The following RBM39 variants were observed in gnomAD, a reference collection of about 807,000 sequenced individuals.
RBM39 encodes RNA-binding protein 39.
A neutral mutation model predicts 79.6 loss-of-function variants in RBM39; 12 were observed. The ratio of observed to expected loss-of-function variants is 0.15; its 90% CI spans 0.10 to 0.24. The LOEUF (loss-of-function observed/expected upper bound fraction) is 0.24. Among genes scored for constraint, RBM39 ranks in the 10% least tolerant of loss-of-function variants. The pLI is 1.00. For synonymous variants in RBM39, 185 were observed against 208.4 expected (o/e 0.89, Z 0.97); for missense variants, 243 against 653.4 (o/e 0.37, Z 6.85).
At position 35,724,742 on chromosome 20, in the gene RBM39, G is replaced by GT. The variant is rs781374036; in HGVS notation, c.535-21dup. 116 of 1,611,174 alleles carry GT rather than the reference G, an allele frequency of 7.2e-5. No individual in the cohort carries two copies. In the South Asian group the frequency reaches 1.3e-3, roughly 18 times the overall value. On this transcript the variant is annotated intron_variant, in intron 7 of 16. Coordinates refer to ENST00000253363, the MANE Select transcript of RBM39 (RefSeq NM_184234.3). ...TCGAACCTAGAAAGAAAACACAGTT[G>GT]TTTGTGCAAACATCCATTGTAACAC...
At chr20:35,713,227 T>G (rs1350892677) in intron 11 of RBM39, 131 bp from the exon 12 acceptor site, 2 of 681,380 alleles carry the variant, frequency 2.9e-6, no homozygotes, top group Non-Finnish European at 4.7e-6. Flanking sequence ...TTGACGCCTG[T>G]AACTTAGCTA....
At chr20:35,716,620 T>G in intron 10 of RBM39, 120 bp downstream of exon 10, 1 of 706,370 alleles carries the variant, frequency 1.4e-6, no homozygotes, top group Non-Finnish European at 2.4e-6. Context: ...TCCCAGCAGT[T>G]TGGAAGGCTA....
chr20:35,715,168 C>T (rs975963786), intron 10 of RBM39, among the ~76,000 whole-genome samples: 1 of 152,064 alleles, frequency 6.6e-6, no homozygotes. Context: ...TTTCCAGGAC[C>T]TTAAAAGGTT....
At chr20:35,726,533 C>A (rs1448349582) in intron 6 of RBM39, among the ~76,000 whole-genome samples, 1 of 152,178 alleles carries the variant, frequency 6.6e-6, no homozygotes, top group South Asian at 2.1e-4. Context: ...CCAGACTGAT[C>A]CAAAATCAGT....
At position 35,740,895 on chromosome 20, in the gene RBM39, G is replaced by C; in HGVS notation, c.-13-8C>G. ...GCCATTTTCTCTAAACGCCTAGGAA[G>C]AGAACAAGACAATTTCTTGAGTAAA... On this transcript the variant is annotated splice_region_variant and splice_polypyrimidine_tract_variant and intron_variant, in intron 1 of 16. Transcript: ENST00000253363. 6.3e-7 allele frequency: 1 copy of C among 1,596,964 alleles called. No individual in the cohort carries two copies. Among genetic ancestry groups the C allele is most frequent in the Non-Finnish European group, 8.6e-7 (1 of 1,167,462 alleles).
intron 14 of RBM39, among the ~76,000 whole-genome samples, chr20:35,706,106 A>AATCCC (rs2146478609): frequency 6.6e-6 from 1 of 152,314 alleles, no homozygotes; most frequent in African/African-American, 2.4e-5. Flanking sequence ...TCGGATGCTG[A>AATCCC]AGCGAGCAGA....
At chr20:35,718,874 T>C (rs1210041746) in intron 9 of RBM39, among the ~76,000 whole-genome samples, 1 of 145,680 alleles carries the variant, frequency 6.9e-6, no homozygotes, top group Non-Finnish European at 1.5e-5. Context: ...TCCCAGCTGC[T>C]AGGGAAGCTG....
At chr20:35,741,027 TTTC>T (rs1820545142) in intron 1 of RBM39, 140 bp from the exon 2 acceptor site, 6 of 384,424 alleles carry the variant, frequency 1.6e-5, no homozygotes, top group South Asian at 6.2e-5. Context: ...AGTAAACATT[TTTC>T]TTTTTTTTTT....
Position 35,732,048 on chromosome 20 carries a change from C to T in RBM39, c.189G>A (p.Arg63=). Residue 63 remains arginine, a synonymous_variant, in exon 4 of 17, where the codon AGG becomes AGA. Coordinates refer to ENST00000253363, the MANE Select transcript of RBM39 (RefSeq NM_184234.3). The stretch of plus-strand genomic sequence containing the variant: ...TTCTTTCACGGCTTTTGCTCTTTTT[C>T]CTTTCTCTGTCTCTACTTCGCTTCC... ...KERKRSRDRE[R]KKSKSRERKR... The T allele has an allele frequency of 6.2e-7, 1 of 1,614,042 alleles. No homozygotes were observed. The highest frequency in any genetic ancestry group is 8.5e-7 in the Non-Finnish European group (1 of 1,180,022).
At position 35,729,373 on chromosome 20, in the gene RBM39, G is replaced by A. The variant is rs1350298131; in HGVS notation, c.363-8C>T. 6 of 1,606,856 alleles carry A rather than the reference G, an allele frequency of 3.7e-6. No homozygotes were observed. The highest frequency in any genetic ancestry group is 1.7e-5 in the Admixed American group (1 of 58,006). The stretch of plus-strand genomic sequence containing the variant: ...CTTCGGGAACGTCGTCTGCTGCAAA[G>A]TTAAAAAGTTTCAGAAGTTATCCAA... On this transcript the variant is annotated splice_polypyrimidine_tract_variant and splice_region_variant and intron_variant, in intron 5 of 16. Coordinates refer to ENST00000253363, the MANE Select transcript of RBM39 (RefSeq NM_184234.3).
In RBM39 at chr20:35,738,159, G is replaced by GAA. The variant is rs373178542; in HGVS notation, c.101+807_101+808dup. On this transcript the variant is annotated intron_variant, in intron 3 of 16. Transcript: ENST00000253363. Reference sequence around the variant, plus strand: ...CGACACTGCCAGACTCCATGTCAAAGAAAAAAAAAAAAATCAAAGAATCAC... The same window carrying GAA: ...CGACACTGCCAGACTCCATGTCAAAGAAAAAAAAAAAAAAATCAAAGAATCAC... Among the ~76,000 whole-genome samples the GAA allele has an allele frequency of 1.2e-3, 173 of 138,828 alleles. 4 individuals are homozygous for GAA. Among genetic ancestry groups the GAA allele is most frequent in the African/African-American group, 3.5e-3 (134 of 38,650 alleles). 91.1% of individuals were successfully genotyped at this position (138,828 alleles called of 152,430 possible). A position where few individuals can be genotyped will look rare whatever the true frequency, so the allele number is the denominator to read the frequency against.
chr20:35,717,850 A>C (rs759585519), intron 9 of RBM39, among the ~76,000 whole-genome samples: 1 of 149,860 alleles, frequency 6.7e-6, no homozygotes, highest in Non-Finnish European at 1.5e-5. Flanking sequence ...CTCTGTCTCA[A>C]ACAAGAAAGG....
At chr20:35,707,377 A>C (rs2035872557) in intron 13 of RBM39, 176 bp from the exon 14 acceptor site, 2 of 408,256 alleles carry the variant, frequency 4.9e-6, no homozygotes, top group Non-Finnish European at 8.8e-6. Flanking sequence ...TTTAGGTGCC[A>C]GAAAACTGAG....
intron 14 of RBM39, 31 bp from the exon 15 acceptor site, chr20:35,705,361 C>T: frequency 8.8e-7 from 1 of 1,135,882 alleles, no homozygotes; most frequent in Non-Finnish European, 1.3e-6. Context: ...CTCTTAAATA[C>T]TATTGAAACT....
rs924789446 is a variant in RBM39, at chr20:35,713,065, C to T, written c.1128G>A (p.Gln376=). The T allele has an allele frequency of 1.2e-6, 2 of 1,613,632 alleles. No homozygotes were observed. Among genetic ancestry groups the T allele is most frequent in the Non-Finnish European group, 1.7e-6 (2 of 1,179,768 alleles). ...AAGAGCCACTCATCTGTAGAGCTTG[C>T]TGTGCTGCTGGCGGAATCTGCAAAC... ...GTGLQIPPAA[Q]QALQMSGSLA... The change falls in exon 12 of 17, where the codon CAG becomes CAA. Residue 376 remains glutamine, a synonymous_variant. Coordinates refer to ENST00000253363, the MANE Select transcript of RBM39 (RefSeq NM_184234.3).
At chr20:35,704,904 T>TA (rs1167518269) in intron 15 of RBM39, 158 bp from the exon 16 acceptor site, 1 of 636,704 alleles carries the variant, frequency 1.6e-6, no homozygotes, top group South Asian at 2.1e-5. Context: ...AGAATTTTAT[T>TA]AAAAAATGAC....
At chr20:35,734,451 TC>T (rs1355928920) in intron 3 of RBM39, 2 of 245,928 alleles carry the variant, frequency 8.1e-6, no homozygotes, top group Admixed American at 9.8e-5. Context: ...ACTATAGAAC[TC>T]TGAGATTTCT....
intron 2 of RBM39, chr20:35,739,353 T>G (rs1050340918): frequency 8.7e-6 from 4 of 457,412 alleles, no homozygotes; most frequent in African/African-American, 8.1e-5. Context: ...AGTCCTGTTT[T>G]GAGTTTTATT....
chr20:35,727,694 G>C (rs2038903952), intron 6 of RBM39, among the ~76,000 whole-genome samples: 1 of 146,920 alleles, frequency 6.8e-6, no homozygotes, highest in Admixed American at 6.9e-5. Context: ...TTGTTGCCCA[G>C]GCTGGAGTGC....
Sources: gnomAD v4.1 joint callset for allele counts (sites outside exome capture counted in the v4.1 genomes callset) on GRCh38, gnomAD v4.1.1 for gene constraint, MANE v1.5 for transcripts, NCBI Gene and HGNC (gene_info 2026-07-23, HGNC 2026-07-21) for gene names.